RNF185: variants seen among roughly 807,000 people sequenced by gnomAD.
RNF185 encodes the protein ring finger protein 185, also known as E3 ubiquitin-protein ligase RNF185.
A neutral mutation model predicts 24.9 loss-of-function variants in RNF185; 13 were observed. The observed-to-expected ratio is 0.52, with a 90% CI of 0.34 to 0.83. The LOEUF is 0.83. RNF185 is among the 40% of genes least tolerant of loss of function. The pLI is 0.01. For synonymous variants in RNF185, 79 were observed against 90.3 expected (o/e 0.88, Z 0.71); for missense variants, 184 against 244.7 (o/e 0.75, Z 1.65).
chr22:31,177,831 A>G (rs908808557), intron 1 of RNF185, among the ~76,000 whole-genome samples: 3 of 152,232 alleles, frequency 2.0e-5, no homozygotes, highest in Non-Finnish European at 4.4e-5. Context: ...GGGACAGAAA[A>G]GGCAGATGAT....
rs551191496 is a variant in RNF185, at chr22:31,187,030, A to G, written c.-48-17A>G. ...AGGGCTGCAGAAATGGACAGTCAAG[A>G]GTTCTCTGCCTTTTAGGATTTCCCT... On this transcript the variant is annotated splice_polypyrimidine_tract_variant and intron_variant, in intron 1 of 6. Transcript: ENST00000326132. 2.7e-4 allele frequency: 407 copies of G among 1,521,602 alleles called. 2 individuals carry two copies. The highest frequency in any genetic ancestry group is 9.8e-6 in the Non-Finnish European group (11 of 1,125,764). 94.3% of individuals were successfully genotyped at this position (1,521,602 alleles called of 1,614,324 possible).
rs373618297 is a variant in RNF185, at chr22:31,204,485, C to G, written c.482-4C>G. 64 of 1,604,360 alleles carry G rather than the reference C, an allele frequency of 4.0e-5. No individual in the cohort carries two copies. The highest frequency in any genetic ancestry group is 1.7e-4 in the Admixed American group (10 of 59,982). On this transcript the variant is annotated splice_region_variant and splice_polypyrimidine_tract_variant and intron_variant, in intron 6 of 6. Transcript: ENST00000326132. The stretch of plus-strand genomic sequence containing the variant: ...AGCCTGTTTTCTCCTTTCTGTCTCT[C>G]CAGCTGTCCCTGGGACACCCCAGTA...
chr22:31,161,299 A>G (rs147952228), intron 1 of RNF185, among the ~76,000 whole-genome samples: 1 of 152,242 alleles, frequency 6.6e-6, no homozygotes, highest in African/African-American at 2.4e-5. Flanking sequence ...GTCCTTTCCA[A>G]CTTGAAAGTC....
chr22:31,170,399 C>A (rs1411790837), intron 1 of RNF185, among the ~76,000 whole-genome samples: 2 of 152,134 alleles, frequency 1.3e-5, no homozygotes, highest in Non-Finnish European at 2.9e-5. Flanking sequence ...ACCATGTTAG[C>A]CAGATGGTCT....
intron 3 of RNF185, among the ~76,000 whole-genome samples, chr22:31,195,207 C>T (rs1017875509): frequency 6.6e-6 from 1 of 152,174 alleles, no homozygotes; most frequent in South Asian, 2.1e-4. Context: ...CCCACCTCCG[C>T]CTCCCAAAGC....
chr22:31,194,050 AC>A (rs1041618049), intron 3 of RNF185, among the ~76,000 whole-genome samples: 5 of 151,200 alleles, frequency 3.3e-5, no homozygotes, highest in Admixed American at 2.0e-4. Context: ...ACACCACCAC[AC>A]CCGGCTAGTT....
chr22:31,202,276 T>C (rs768793373), intron 6 of RNF185, among the ~76,000 whole-genome samples: 23 of 152,102 alleles, frequency 1.5e-4, no homozygotes, highest in Non-Finnish European at 2.8e-4. Flanking sequence ...TGAACTCTTA[T>C]CACAGTCTGA....
chr22:31,160,442 G>C (rs1923494614), intron 1 of RNF185, 139 bp downstream of exon 1: 1 of 152,262 alleles, frequency 6.6e-6, no homozygotes, highest in African/African-American at 2.4e-5. Flanking sequence ...GGTCGTGTCT[G>C]TCCCCGAAAA....
At chr22:31,176,777 C>T (rs900035178) in intron 1 of RNF185, among the ~76,000 whole-genome samples, 7 of 152,284 alleles carry the variant, frequency 4.6e-5, no homozygotes, top group Middle Eastern at 6.8e-3. Context: ...CGTGAGCCAC[C>T]GTGTCCAGCC....
At chr22:31,183,403 T>C (rs1271560128) in intron 1 of RNF185, among the ~76,000 whole-genome samples, 2 of 152,116 alleles carry the variant, frequency 1.3e-5, no homozygotes, top group Non-Finnish European at 2.9e-5. Context: ...ATTTTAGTAT[T>C]TATTGATCAT....
intron 1 of RNF185, among the ~76,000 whole-genome samples, chr22:31,182,136 G>C (rs185572636): frequency 7.0e-6 from 1 of 143,624 alleles, no homozygotes; most frequent in African/African-American, 2.6e-5. Context: ...TTTGAGACAG[G>C]GTTTCCACTC....
chr22:31,167,956 C>T (rs955435033), intron 1 of RNF185, among the ~76,000 whole-genome samples: 3 of 152,092 alleles, frequency 2.0e-5, no homozygotes, highest in African/African-American at 7.2e-5. Context: ...AATTTACCAT[C>T]GTAACCATTT....
chr22:31,167,711 T>A (rs1924018031), intron 1 of RNF185, among the ~76,000 whole-genome samples: 1 of 150,278 alleles, frequency 6.7e-6, no homozygotes, highest in Admixed American at 6.8e-5. Context: ...CATCCTGGGT[T>A]CAAGCAATTA....
At chr22:31,195,057 AT>A (rs1315206431) in intron 3 of RNF185, among the ~76,000 whole-genome samples, 2 of 151,868 alleles carry the variant, frequency 1.3e-5, no homozygotes, top group African/African-American at 2.4e-5. Flanking sequence ...GGTTCAAGCG[AT>A]TCTCCTCCCT....
intron 1 of RNF185, among the ~76,000 whole-genome samples, chr22:31,175,050 C>T (rs1009439371): frequency 1.7e-4 from 23 of 135,140 alleles, no homozygotes; most frequent in African/African-American, 5.4e-4. Context: ...TTCAGTTGGG[C>T]GACAGAGCGA....
intron 1 of RNF185, among the ~76,000 whole-genome samples, chr22:31,166,097 T>C (rs1923902857): frequency 6.6e-6 from 1 of 152,178 alleles, no homozygotes; most frequent in Non-Finnish European, 1.5e-5. Context: ...ATTCAAGCAA[T>C]TCTCGTGCCT....
chr22:31,173,428 C>CACACACACACAG (rs2047950773), intron 1 of RNF185, among the ~76,000 whole-genome samples: 1 of 151,614 alleles, frequency 6.6e-6, no homozygotes, highest in South Asian at 2.1e-4. Context: ...CACACACACA[C>CACACACACACAG]ACACACACAC....
intron 1 of RNF185, among the ~76,000 whole-genome samples, chr22:31,185,003 AACAC>A (rs2048085000): frequency 6.6e-6 from 1 of 151,934 alleles, no homozygotes; most frequent in African/African-American, 2.4e-5. Context: ...TTTAAAAAGA[AACAC>A]ACATAGGTTG....
intron 1 of RNF185, among the ~76,000 whole-genome samples, chr22:31,176,855 G>A (rs1267298867): frequency 1.3e-5 from 2 of 152,162 alleles, no homozygotes; most frequent in Non-Finnish European, 2.9e-5. Context: ...AATCTCTGTG[G>A]AAGCATTATT....
Sources: gnomAD v4.1 joint callset for allele counts (sites outside exome capture counted in the v4.1 genomes callset) on GRCh38, gnomAD v4.1.1 for gene constraint, MANE v1.5 for transcripts, NCBI Gene and HGNC (gene_info 2026-07-23, HGNC 2026-07-21) for gene names.